Variants in AOPEP observed in about 807,000 individuals in gnomAD.
AOPEP encodes aminopeptidase O.
AOPEP carries 77 observed loss-of-function variants against 98.1 expected under a neutral mutation model. That is an observed-to-expected ratio of 0.78 (90% CI 0.65 to 0.95). The LOEUF is 0.95. Ranked by LOEUF, AOPEP falls within the 40% of genes least tolerant of loss-of-function variation. The pLI is 0.00. For missense variants in AOPEP, 1,024 were observed against 1,024.7 expected (o/e 1.00, Z 0.01); for synonymous variants, 346 against 365.3 (o/e 0.95, Z 0.60).
At chr9:95,050,078 C>T (rs1170189011) in intron 13 of AOPEP, among the ~76,000 whole-genome samples, 2 of 152,158 alleles carry the variant, frequency 1.3e-5, no homozygotes, top group South Asian at 2.1e-4. Context: ...ATTTTTATAA[C>T]GCTATTTCAG....
chr9:94,847,735 C>G (rs2043038742), intron 5 of AOPEP, among the ~76,000 whole-genome samples: 1 of 152,254 alleles, frequency 6.6e-6, no homozygotes, highest in Admixed American at 6.5e-5. Flanking sequence ...TTTGGAACCA[C>G]AACAATCCTG....
the AOPEP span, chr9:95,111,717 G>C: frequency 6.5e-7 from 1 of 1,544,150 alleles, no homozygotes; most frequent in Non-Finnish European, 8.9e-7. Flanking sequence ...TTTAACGTTT[G>C]CCAACGGTTG....
At chr9:95,128,335 G>A in the AOPEP span, among the ~76,000 whole-genome samples, 4 of 152,222 alleles carry the variant, frequency 2.6e-5, no homozygotes, top group Non-Finnish European at 5.9e-5. Flanking sequence ...GAATAAGAGT[G>A]TTTAAGATCA....
rs187134158 is a variant in AOPEP at position 94,766,864 on chromosome 9, A to G, written c.798-6138A>G. On this transcript the variant is annotated intron_variant, in intron 2 of 16. Coordinates refer to ENST00000375315, the MANE Select transcript of AOPEP (RefSeq NM_001193329.3). ...TTTTAGACAAGACTGGGATGAAGTT[A>G]GCAAAATCCTAAGGAGAACTACTTT... Among the ~76,000 whole-genome samples, 27 of 152,338 alleles carry G rather than the reference A, an allele frequency of 1.8e-4. No homozygotes were observed. In the East Asian group the frequency reaches 4.8e-3, roughly 27 times the overall value.
At chr9:94,787,212 G>A (rs1001484481) in intron 3 of AOPEP, among the ~76,000 whole-genome samples, 3 of 152,062 alleles carry the variant, frequency 2.0e-5, no homozygotes, top group Admixed American at 6.6e-5. Flanking sequence ...GGTCATTTAC[G>A]GTTTCTGACT....
chr9:94,886,407 A>T (rs919660103), intron 5 of AOPEP, among the ~76,000 whole-genome samples: 1 of 152,178 alleles, frequency 6.6e-6, no homozygotes, highest in African/African-American at 2.4e-5. Flanking sequence ...CTTTTTATTC[A>T]TGTGGTTTTA....
At chr9:94,958,575 A>G (rs2058620728) in intron 9 of AOPEP, among the ~76,000 whole-genome samples, 1 of 151,946 alleles carries the variant, frequency 6.6e-6, no homozygotes, top group Non-Finnish European at 1.5e-5. Flanking sequence ...TTTTTTTATT[A>G]TTGCCATCCT....
the AOPEP span, among the ~76,000 whole-genome samples, chr9:95,093,567 T>C: frequency 6.6e-6 from 1 of 152,156 alleles, no homozygotes; most frequent in Non-Finnish European, 1.5e-5. Context: ...AGATCACACA[T>C]GCAAACAAAT....
At chr9:94,806,951 G>T (rs1849385640) in intron 5 of AOPEP, among the ~76,000 whole-genome samples, 1 of 152,204 alleles carries the variant, frequency 6.6e-6, no homozygotes, top group Non-Finnish European at 1.5e-5. Flanking sequence ...TGTGATGGCT[G>T]TCAAGAGTCT....
chr9:95,085,408 T>C (rs1156907487), intron 16 of AOPEP: 1 of 521,086 alleles, frequency 1.9e-6, no homozygotes, highest in Non-Finnish European at 4.0e-6. Context: ...AGGAAGATGC[T>C]CACCGGTCAC....
At chr9:95,054,533 CACTT>C (rs1470387740) in intron 13 of AOPEP, among the ~76,000 whole-genome samples, 3 of 152,194 alleles carry the variant, frequency 2.0e-5, no homozygotes, top group African/African-American at 7.2e-5. Context: ...GAACATTTGA[CACTT>C]ACAATCTGGA....
intron 1 of AOPEP, among the ~76,000 whole-genome samples, chr9:94,752,359 T>TCACACACA (rs58626205): frequency 7.1e-6 from 1 of 140,816 alleles, no homozygotes; most frequent in African/African-American, 2.9e-5. Context: ...TCTCTCTCTC[T>TCACACACA]CACACACACA....
Position 94,938,645 on chromosome 9 carries a change from C to CT in AOPEP, c.1661+10114_1661+10115insT, listed in dbSNP as rs2056626446. On this transcript the variant is annotated intron_variant, in intron 7 of 16. Coordinates refer to ENST00000375315, the MANE Select transcript of AOPEP (RefSeq NM_001193329.3). The stretch of plus-strand genomic sequence containing the variant: ...TGGAGAGGACAGCCACGAAAAGAAC[C>CT]AGTGAGACTGAAGGTGGGCCAGGCA... Among the ~76,000 whole-genome samples the CT allele has an allele frequency of 2.0e-5, 3 of 152,260 alleles. No homozygotes were observed. In the East Asian group the frequency reaches 5.8e-4, roughly 29 times the overall value.
chr9:94,835,550 T>C (rs1158921655), intron 5 of AOPEP, among the ~76,000 whole-genome samples: 1 of 152,226 alleles, frequency 6.6e-6, no homozygotes, highest in Non-Finnish European at 1.5e-5. Flanking sequence ...CTCAAACTGG[T>C]TTCCTGCACG....
chr9:94,993,702 C>T lies in AOPEP; in HGVS notation c.1978-11456C>T, dbSNP rs559469335. ...GAGAGACGTAGATCAGATGGTTTTC[C>T]GTAAGAGTGTTACCAGCATCCTGGT... is the stretch of plus-strand genomic sequence containing the variant. On this transcript the variant is annotated intron_variant, in intron 11 of 16. Transcript: ENST00000375315. 7.9e-5 allele frequency among the ~76,000 whole-genome samples: 12 copies of T among 152,258 alleles called. No individual in the cohort carries two copies. The South Asian group carries it at 1.9e-3, about 24-fold the overall frequency.
At chr9:94,857,411 C>T (rs1024758366) in intron 5 of AOPEP, among the ~76,000 whole-genome samples, 7 of 152,192 alleles carry the variant, frequency 4.6e-5, no homozygotes, top group African/African-American at 1.2e-4. Context: ...TAATCTCCAA[C>T]GACTTAATAT....
intron 4 of AOPEP, among the ~76,000 whole-genome samples, chr9:94,794,953 G>A (rs1262072598): frequency 6.6e-6 from 1 of 152,170 alleles, no homozygotes; most frequent in African/African-American, 2.4e-5. Context: ...AAACACCAGG[G>A]TTGTTTGTTA....
At chr9:95,010,227 A>G (rs576813056) in intron 13 of AOPEP, among the ~76,000 whole-genome samples, 1 of 152,338 alleles carries the variant, frequency 6.6e-6, no homozygotes, top group African/African-American at 2.4e-5. Context: ...ATTTTAAACT[A>G]TTTAACAAAG....
At chr9:94,992,715 G>A (rs2060975520) in intron 11 of AOPEP, among the ~76,000 whole-genome samples, 1 of 152,226 alleles carries the variant, frequency 6.6e-6, no homozygotes, top group South Asian at 2.1e-4. Flanking sequence ...TTGGGGGTAA[G>A]GGGAGCTGGC....
Sources: gnomAD v4.1 joint callset for allele counts (sites outside exome capture counted in the v4.1 genomes callset) on GRCh38, gnomAD v4.1.1 for gene constraint, MANE v1.5 for transcripts, NCBI Gene and HGNC (gene_info 2026-07-23, HGNC 2026-07-21) for gene names.